Variants in LIMS1 observed in about 807,000 individuals in gnomAD.
LIMS1 encodes LIM zinc finger domain containing 1, also known as LIM and senescent cell antigen-like-containing domain protein 1.
A neutral mutation model predicts 44.1 loss-of-function variants in LIMS1; 18 were observed. The observed-to-expected ratio is 0.41, with a 90% CI of 0.28 to 0.61. The LOEUF is 0.61. Ranked by LOEUF, LIMS1 falls within the 20% of genes least tolerant of loss-of-function variation. The pLI is 0.32. For missense variants in LIMS1, 201 were observed against 422.0 expected (o/e 0.48, Z 4.59); for synonymous variants, 93 against 149.1 (o/e 0.62, Z 2.74).
intron 1 of LIMS1, among the ~76,000 whole-genome samples, chr2:108,551,830 A>T (rs1254094766): frequency 6.9e-6 from 1 of 144,390 alleles, no homozygotes; most frequent in African/African-American, 2.5e-5. Flanking sequence ...ATATACATAT[A>T]TACACATATA....
chr2:108,633,084 C>T (rs1055422957), intron 1 of LIMS1, among the ~76,000 whole-genome samples: 13 of 152,330 alleles, frequency 8.5e-5, no homozygotes, highest in African/African-American at 3.1e-4. Flanking sequence ...ATTTAATGTT[C>T]ATCATGACGG....
chr2:108,607,137 G>A (rs143398761), intron 1 of LIMS1: 967 of 1,341,948 alleles, frequency 7.2e-4, no homozygotes, highest in Middle Eastern at 2.5e-3. Context: ...GCCCAAGGGA[G>A]CCTGCTTGCC....
At chr2:108,614,559 G>T (rs984212717) in intron 1 of LIMS1, among the ~76,000 whole-genome samples, 3 of 152,074 alleles carry the variant, frequency 2.0e-5, no homozygotes, top group African/African-American at 7.2e-5. Flanking sequence ...CACTACATAG[G>T]AAATAAAAGT....
At chr2:108,624,835 T>C (rs1349571695) in intron 1 of LIMS1, among the ~76,000 whole-genome samples, 1 of 152,114 alleles carries the variant, frequency 6.6e-6, no homozygotes, top group Non-Finnish European at 1.5e-5. Context: ...TCCCAGCACT[T>C]TGGGAGGCCG....
chr2:108,545,618 A>G (rs1362884253), intron 1 of LIMS1, among the ~76,000 whole-genome samples: 1 of 152,206 alleles, frequency 6.6e-6, no homozygotes, highest in Non-Finnish European at 1.5e-5. Flanking sequence ...TCTTGGGACC[A>G]CTTTACTCTC....
intron 1 of LIMS1, among the ~76,000 whole-genome samples, chr2:108,643,013 G>GA (rs1225094410): frequency 6.6e-6 from 1 of 152,164 alleles, no homozygotes; most frequent in Non-Finnish European, 1.5e-5. Context: ...TTCCATAAGT[G>GA]AAACACGCAG....
intron 1 of LIMS1, among the ~76,000 whole-genome samples, chr2:108,635,259 C>T (rs995627769): frequency 3.3e-5 from 5 of 151,742 alleles, no homozygotes; most frequent in Non-Finnish European, 7.4e-5. Context: ...GGTGAAACCC[C>T]ATCTCTAAAA....
At chr2:108,668,530 G>C (rs547013379) in intron 2 of LIMS1, among the ~76,000 whole-genome samples, 1 of 152,314 alleles carries the variant, frequency 6.6e-6, no homozygotes, top group East Asian at 1.9e-4. Flanking sequence ...TGTCGCCACA[G>C]ATGACAGGAT....
chr2:108,635,750 TTA>T (rs1689204237), intron 1 of LIMS1, among the ~76,000 whole-genome samples: 1 of 151,584 alleles, frequency 6.6e-6, no homozygotes, highest in African/African-American at 2.4e-5. Context: ...ACTGACAGGT[TTA>T]TTATTCTGTA....
At chr2:108,671,043 T>G (rs983682549) in intron 3 of LIMS1, 196 bp downstream of exon 3, 5 of 630,136 alleles carry the variant, frequency 7.9e-6, no homozygotes, top group African/African-American at 3.6e-5. Flanking sequence ...TGGTGGCAGG[T>G]GCCAGTAATC....
chr2:108,599,573 C>G (rs1280432709), intron 1 of LIMS1, among the ~76,000 whole-genome samples: 2 of 152,156 alleles, frequency 1.3e-5, no homozygotes, highest in Non-Finnish European at 2.9e-5. Context: ...TATGGTAGCT[C>G]TATTTTTAGT....
intron 1 of LIMS1, among the ~76,000 whole-genome samples, chr2:108,645,765 C>G (rs1184995912): frequency 6.7e-6 from 1 of 149,976 alleles, no homozygotes; most frequent in Non-Finnish European, 1.5e-5. Flanking sequence ...CGTGGAGAGA[C>G]ACACATAGGC....
chr2:108,539,688 A>G (rs1459972148), intron 1 of LIMS1, among the ~76,000 whole-genome samples: 1 of 152,084 alleles, frequency 6.6e-6, no homozygotes, highest in Non-Finnish European at 1.5e-5. Context: ...TTTTTGTTGT[A>G]TAGCTTTTTG....
exon 10 of LIMS1, chr2:108,684,092 T>C (rs1238271091): frequency 6.2e-6 from 4 of 649,854 alleles, no homozygotes; most frequent in Non-Finnish European, 1.1e-5. Context: ...CTCAAAGCAG[T>C]TGAGAGAAGA....
rs1214968487 is a variant in LIMS1 at position 108,550,077 on chromosome 2, TAATATTTTAA to T, written c.32+15484_32+15493del. Reference sequence around the variant, plus strand: ...ATTTATCATATTTATTAAAGCTTTGTAATATTTTAATGTCATGACATATTATTCAGAAAAA... The same window carrying T: ...ATTTATCATATTTATTAAAGCTTTGTTGTCATGACATATTATTCAGAAAAA... On this transcript the variant is annotated intron_variant, in intron 1 of 9. Transcript: ENST00000544547. 1.3e-4 allele frequency among the ~76,000 whole-genome samples: 20 copies of T among 152,302 alleles called. 1 individual carries two copies. The highest frequency in any genetic ancestry group is 1.2e-3 in the Admixed American group (19 of 15,296).
chr2:108,535,596 A>G (rs1191077381), intron 1 of LIMS1, among the ~76,000 whole-genome samples: 1 of 152,256 alleles, frequency 6.6e-6, no homozygotes, highest in Non-Finnish European at 1.5e-5. Flanking sequence ...AAGCTGACGC[A>G]TTTCATTAAT....
intron 1 of LIMS1, among the ~76,000 whole-genome samples, chr2:108,555,420 G>C (rs537134185): frequency 1.4e-4 from 21 of 152,180 alleles, no homozygotes; most frequent in African/African-American, 5.1e-4. Flanking sequence ...TCCAGGCCTG[G>C]ATCTCCCTCT....
At chr2:108,585,150 CAAA>C (rs35679577) in intron 1 of LIMS1, among the ~76,000 whole-genome samples, 39 of 69,350 alleles carry the variant, frequency 5.6e-4, no homozygotes, top group African/African-American at 2.2e-3. Flanking sequence ...GACTCCGTCT[CAAA>C]AAAAAAAAAA....
chr2:108,647,387 C>A (rs950343876), intron 1 of LIMS1, among the ~76,000 whole-genome samples: 10 of 152,078 alleles, frequency 6.6e-5, no homozygotes, highest in Admixed American at 3.9e-4. Flanking sequence ...ACCAGAGGTA[C>A]AAAGAGGAGC....
Sources: allele counts gnomAD v4.1 joint callset (sites outside exome capture counted in the v4.1 genomes callset), GRCh38; gene constraint gnomAD v4.1.1; transcripts MANE v1.5; gene names NCBI Gene and HGNC (gene_info 2026-07-23, HGNC 2026-07-21).